Variants in SATB2 observed in about 807,000 individuals in gnomAD.
SATB2 encodes the protein SATB homeobox 2, also known as DNA-binding protein SATB2.
In SATB2, 1 loss-of-function variant was observed where a neutral mutation model predicts 73.4. The observed-to-expected ratio is 0.01, with a 90% CI of 0.00 to 0.06. The LOEUF (loss-of-function observed/expected upper bound fraction) is 0.06. SATB2 is among the 10% of genes least tolerant of loss of function. The pLI, the probability that SATB2 is intolerant of heterozygous loss-of-function variation, is 1.00. For synonymous variants in SATB2, 397 were observed against 367.0 expected, an observed-to-expected ratio of 1.08 and a Z score of -0.93; for missense variants, 459 against 945.8, an observed-to-expected ratio of 0.49 and a Z score of 6.75.
At chr2:199,304,925 C>T (rs141385033) in intron 10 of SATB2, among the ~76,000 whole-genome samples, 3 of 152,214 alleles carry the variant, frequency 2.0e-5, no homozygotes, top group Non-Finnish European at 2.9e-5. Context: ...TCAGGCCCAG[C>T]GTGGTCTCAG....
chr2:199,300,361 T>G (rs1687245389), intron 10 of SATB2, among the ~76,000 whole-genome samples: 1 of 150,204 alleles, frequency 6.7e-6, no homozygotes. Flanking sequence ...AGTTTTATTT[T>G]CCTACCAAAA....
intron 7 of SATB2, among the ~76,000 whole-genome samples, chr2:199,343,990 A>C (rs1201035643): frequency 1.3e-5 from 2 of 152,248 alleles, no homozygotes; most frequent in Non-Finnish European, 2.9e-5. Context: ...ACAGACCTCC[A>C]GGAGTCTAGG....
At chr2:199,449,157 A>G (rs1692051963) in intron 2 of SATB2, among the ~76,000 whole-genome samples, 1 of 152,082 alleles carries the variant, frequency 6.6e-6, no homozygotes, top group African/African-American at 2.4e-5. Flanking sequence ...TCAATTAAAA[A>G]GGGGAAAAAA....
chr2:199,446,645 T>A (rs1296003042), intron 2 of SATB2, among the ~76,000 whole-genome samples: 2 of 152,218 alleles, frequency 1.3e-5, no homozygotes, highest in Non-Finnish European at 1.5e-5. Context: ...ATGGCCTTCA[T>A]CAACACTGTT....
At chr2:199,432,479 T>C (rs998323303) in intron 3 of SATB2, among the ~76,000 whole-genome samples, 1 of 152,200 alleles carries the variant, frequency 6.6e-6, no homozygotes, top group Non-Finnish European at 1.5e-5. Context: ...TCTTCACAAA[T>C]GTTAACTAAA....
intron 3 of SATB2, among the ~76,000 whole-genome samples, chr2:199,426,125 T>C (rs1361116264): frequency 2.0e-5 from 3 of 152,120 alleles, no homozygotes; most frequent in Non-Finnish European, 4.4e-5. Context: ...AATGTCTAAA[T>C]ACGTATATTT....
At chr2:199,461,104 T>C (rs1037068433), upstream of SATB2, among the ~76,000 whole-genome samples, 2 of 152,258 alleles carry the variant, frequency 1.3e-5, no homozygotes, top group Admixed American at 1.3e-4. Flanking sequence ...AAATGTATTT[T>C]GGATGTTTGT....
chr2:199,344,261 C>A (rs1688588362), intron 7 of SATB2, among the ~76,000 whole-genome samples: 1 of 152,120 alleles, frequency 6.6e-6, no homozygotes, highest in Non-Finnish European at 1.5e-5. Context: ...ACACAACACA[C>A]ACACACACAC....
chr2:199,429,852 G>A (rs898093542), intron 3 of SATB2, among the ~76,000 whole-genome samples: 2 of 152,226 alleles, frequency 1.3e-5, no homozygotes, highest in Admixed American at 1.3e-4. Context: ...AGAGGTTGCA[G>A]TGAGCCAAGA....
intron 9 of SATB2, among the ~76,000 whole-genome samples, chr2:199,321,096 A>C (rs1304059456): frequency 1.3e-5 from 2 of 151,900 alleles, no homozygotes; most frequent in Non-Finnish European, 2.9e-5. Flanking sequence ...GAGGGAAGAA[A>C]ATGCAAGGGA....
At chr2:199,405,151 G>C (rs1360474904) in intron 3 of SATB2, among the ~76,000 whole-genome samples, 1 of 152,152 alleles carries the variant, frequency 6.6e-6, no homozygotes, top group Non-Finnish European at 1.5e-5. Context: ...AACCTGAAAT[G>C]TCTTTGGCTA....
At chr2:199,279,232 A>C (rs1325890385) in intron 10 of SATB2, among the ~76,000 whole-genome samples, 2 of 152,232 alleles carry the variant, frequency 1.3e-5, no homozygotes, top group African/African-American at 4.8e-5. Context: ...CACAATTATA[A>C]TATGGACACA....
At chr2:199,294,214 T>C (rs761630300) in intron 10 of SATB2, among the ~76,000 whole-genome samples, 33 of 152,178 alleles carry the variant, frequency 2.2e-4, no homozygotes, top group Non-Finnish European at 4.1e-4. Context: ...TACATGTTCA[T>C]ATGGTATAAA....
intron 10 of SATB2, among the ~76,000 whole-genome samples, chr2:199,290,882 AAAC>A (rs1692836667): frequency 6.6e-6 from 1 of 152,200 alleles, no homozygotes; most frequent in African/African-American, 2.4e-5. Flanking sequence ...CAAAACAGCA[AAAC>A]AACAAATAAA....
At position 199,380,498 on chromosome 2, in the gene SATB2, G is replaced by A; in HGVS notation, c.474-11C>T. ...TCCAACTTTGAACAACTGCAAAACA[G>A]AGCAATAATGAACAATACACAAACC... On this transcript the variant is annotated splice_polypyrimidine_tract_variant and intron_variant, in intron 4 of 10. Transcript: ENST00000417098. 6.2e-7 allele frequency: 1 copy of A among 1,611,558 alleles called. No homozygotes were observed. Among genetic ancestry groups the A allele is most frequent in the South Asian group, 1.1e-5 (1 of 91,054 alleles).
At chr2:199,285,414 T>A (rs1692655411) in intron 10 of SATB2, among the ~76,000 whole-genome samples, 1 of 152,148 alleles carries the variant, frequency 6.6e-6, no homozygotes, top group South Asian at 2.1e-4. Context: ...TTCTCCTAGA[T>A]ACACAACTCA....
intron 3 of SATB2, among the ~76,000 whole-genome samples, chr2:199,390,927 T>C (rs565279435): frequency 1.3e-5 from 2 of 152,310 alleles, no homozygotes; most frequent in East Asian, 3.9e-4. Flanking sequence ...AGGGGCAATA[T>C]TATGATGGCA....
intron 6 of SATB2, 72 bp downstream of exon 6, chr2:199,368,533 A>G (rs1202968581): frequency 2.2e-6 from 2 of 891,140 alleles, no homozygotes; most frequent in African/African-American, 1.6e-5. Flanking sequence ...ATGAGCATAA[A>G]TTCCAAACAA....
chr2:199,301,352 C>T lies in SATB2; in HGVS notation c.1740+7408G>A, dbSNP rs559139213. ...GTTAATCATACCTGTATTCTTCTAC[C>T]CTGGTAACTGCAGGGTACTAGAAGC... On this transcript the variant is annotated intron_variant, in intron 10 of 10. Transcript: ENST00000417098. 2.2e-4 allele frequency among the ~76,000 whole-genome samples: 33 copies of T among 152,006 alleles called. No homozygotes were observed. The South Asian group carries it at 4.8e-3, about 22-fold the overall frequency.
Sources: allele counts gnomAD v4.1 joint callset (sites outside exome capture counted in the v4.1 genomes callset), GRCh38; gene constraint gnomAD v4.1.1; transcripts MANE v1.5; gene names NCBI Gene and HGNC (gene_info 2026-07-23, HGNC 2026-07-21).